WDR72: variants seen among roughly 807,000 people sequenced by gnomAD.
The protein encoded by WDR72 is WD repeat domain 72, also known as WD repeat-containing protein 72.
WDR72 carries 120 observed loss-of-function variants against 124.2 expected under a neutral mutation model. That is an observed-to-expected ratio of 0.97 (90% CI 0.83 to 1.12). The LOEUF is 1.12. WDR72 is among the 50% of genes most tolerant of loss of function. The pLI is 0.00. For missense variants in WDR72, 1,387 were observed against 1,278.8 expected (o/e 1.08, Z -1.29); for synonymous variants, 452 against 441.7 (o/e 1.02, Z -0.29).
chr15:53,657,596 A>C (rs2015474308), intron 14 of WDR72, among the ~76,000 whole-genome samples: 1 of 152,198 alleles, frequency 6.6e-6, no homozygotes, highest in Non-Finnish European at 1.5e-5. Context: ...AGAAAGTTAT[A>C]ATCTTAGATT....
intron 18 of WDR72, among the ~76,000 whole-genome samples, chr15:53,562,006 A>T (rs148679202): frequency 6.8e-4 from 103 of 151,930 alleles, no homozygotes; most frequent in African/African-American, 2.4e-3. Context: ...TATATTAAGA[A>T]CAAGAAACAA....
At chr15:53,634,440 A>G (rs529975011) in intron 14 of WDR72, among the ~76,000 whole-genome samples, 4 of 152,206 alleles carry the variant, frequency 2.6e-5, no homozygotes, top group Non-Finnish European at 4.4e-5. Flanking sequence ...TGGAAGAAAA[A>G]TAATTGTCTT....
chr15:53,729,181 C>T (rs1254643960), intron 2 of WDR72, among the ~76,000 whole-genome samples: 1 of 152,118 alleles, frequency 6.6e-6, no homozygotes, highest in East Asian at 1.9e-4. Flanking sequence ...TTTCTCAGTT[C>T]TGTCCATCCT....
chr15:53,615,368 T>G, intron 15 of WDR72, 58 bp downstream of exon 15: 1 of 1,337,870 alleles, frequency 7.5e-7, no homozygotes, highest in South Asian at 1.3e-5. Context: ...TAGCAAATAA[T>G]GATATATATT....
At chr15:53,705,272 T>C in intron 10 of WDR72, 39 bp from the exon 11 acceptor site, 2 of 1,599,988 alleles carry the variant, frequency 1.3e-6, no homozygotes, top group East Asian at 2.2e-5. Context: ...ATTTGGTTTA[T>C]CAGTACATCA....
chr15:53,544,124 C>G (rs1893321207), intron 18 of WDR72, among the ~76,000 whole-genome samples: 1 of 140,410 alleles, frequency 7.1e-6, no homozygotes, highest in African/African-American at 2.7e-5. Flanking sequence ...CTATTCCAAT[C>G]AATAGAAAAA....
intron 9 of WDR72, among the ~76,000 whole-genome samples, chr15:53,709,288 A>G (rs572272817): frequency 1.3e-5 from 2 of 152,110 alleles, no homozygotes; most frequent in South Asian, 2.1e-4. Flanking sequence ...CCAGTTTCCA[A>G]TTATTCTATT....
intron 18 of WDR72, among the ~76,000 whole-genome samples, chr15:53,529,132 AC>A: frequency 7.2e-6 from 1 of 138,102 alleles, no homozygotes; most frequent in South Asian, 2.3e-4. Context: ...ATAATATTCC[AC>A]ACTGTTTAGC....
At chr15:53,656,084 G>A (rs1227082330) in intron 14 of WDR72, among the ~76,000 whole-genome samples, 5 of 152,200 alleles carry the variant, frequency 3.3e-5, no homozygotes, top group Admixed American at 3.3e-4. Flanking sequence ...CCATTTGATT[G>A]TGCATGGAGT....
In WDR72 at chr15:53,672,801, G is replaced by A. The variant is rs188685106; in HGVS notation, c.1766-7033C>T. Among the ~76,000 whole-genome samples, 21 of 152,266 alleles carry A rather than the reference G, an allele frequency of 1.4e-4. No individual in the cohort carries two copies. In the East Asian group the frequency reaches 4.0e-3, roughly 29 times the overall value. ...CTTGATTTTATTTTCCTTGAAATTT[G>A]TGCATAATTTTATTATTTGCTGTCT... On this transcript the variant is annotated intron_variant, in intron 13 of 19. Transcript: ENST00000360509.
At chr15:53,712,919 A>G (rs2017588599) in intron 6 of WDR72, 28 bp from the exon 7 acceptor site, 2 of 1,611,350 alleles carry the variant, frequency 1.2e-6, no homozygotes, top group African/African-American at 2.7e-5. Flanking sequence ...ATCTTTTAGT[A>G]CTAGTTCCAG....
At chr15:53,602,636 A>C (rs1191795681) in intron 17 of WDR72, among the ~76,000 whole-genome samples, 2 of 152,160 alleles carry the variant, frequency 1.3e-5, no homozygotes, top group Admixed American at 1.3e-4. Flanking sequence ...TAACACAATC[A>C]GAGATGATAA....
intron 18 of WDR72, among the ~76,000 whole-genome samples, chr15:53,555,782 C>A (rs980465831): frequency 2.0e-5 from 3 of 152,028 alleles, no homozygotes; most frequent in Non-Finnish European, 4.4e-5. Context: ...TTTCTCAGCC[C>A]TTTACTGTAG....
chr15:53,600,507 A>G (rs80304238), intron 17 of WDR72, among the ~76,000 whole-genome samples: 1 of 152,290 alleles, frequency 6.6e-6, no homozygotes, highest in Non-Finnish European at 1.5e-5. Context: ...TTGACTGGAA[A>G]GAGTCAGCTA....
chr15:53,635,624 G>A (rs2014593992), intron 14 of WDR72, among the ~76,000 whole-genome samples: 1 of 152,090 alleles, frequency 6.6e-6, no homozygotes, highest in South Asian at 2.1e-4. Context: ...TCACTTATAA[G>A]AGGGAGCTAA....
chr15:53,620,005 T>G (rs2013924690), intron 14 of WDR72, among the ~76,000 whole-genome samples: 1 of 152,070 alleles, frequency 6.6e-6, no homozygotes, highest in Non-Finnish European at 1.5e-5. Flanking sequence ...ATGGGCATTC[T>G]TATACACTGC....
chr15:53,609,545 G>A lies in WDR72; in HGVS notation c.2920C>T (p.Leu974=). ...VPEADLSLLK[L]ISCWRDQSVQ... ...GACTGGTCTCTCCAACAGGAAATTA[G>A]CTTCAAAAGTGAAAGGTCAGCCTCA... The change falls in exon 17 of 20, where the codon CTA becomes TTA. Residue 974 remains leucine (L), a synonymous_variant. Coordinates refer to ENST00000360509, the MANE Select transcript of WDR72 (RefSeq NM_182758.4). The A allele has an allele frequency of 6.2e-7, 1 of 1,613,532 alleles. No homozygotes were observed. Among genetic ancestry groups the A allele is most frequent in the Non-Finnish European group, 8.5e-7 (1 of 1,179,670 alleles).
chr15:53,688,566 A>T (rs2016726265), intron 13 of WDR72, among the ~76,000 whole-genome samples: 1 of 152,172 alleles, frequency 6.6e-6, no homozygotes, highest in Admixed American at 6.5e-5. Context: ...ATAAAAGAGG[A>T]TACAAACAAA....
At chr15:53,711,278 C>T in intron 8 of WDR72, 58 bp downstream of exon 8, 2 of 1,612,088 alleles carry the variant, frequency 1.2e-6, no homozygotes, top group South Asian at 1.1e-5. Context: ...CCATAATAAA[C>T]CTCCCAAAGT....
Sources: allele counts gnomAD v4.1 joint callset (sites outside exome capture counted in the v4.1 genomes callset), GRCh38; gene constraint gnomAD v4.1.1; transcripts MANE v1.5; gene names NCBI Gene and HGNC (gene_info 2026-07-23, HGNC 2026-07-21).